The following ADAMTS18 variants were observed in gnomAD, a reference collection of about 807,000 sequenced individuals.
ADAMTS18 encodes ADAM metallopeptidase with thrombospondin type 1 motif 18.
A neutral mutation model predicts 165.9 loss-of-function variants in ADAMTS18; 157 were observed. That is an observed-to-expected ratio of 0.95 (90% confidence interval 0.83 to 1.08). The LOEUF (loss-of-function observed/expected upper bound fraction) is 1.08, where lower values mean the gene tolerates loss of function less well. ADAMTS18 is among the 50% of genes least tolerant of loss of function. The pLI, the probability that ADAMTS18 is intolerant of heterozygous loss-of-function variation, is 0.00. For synonymous variants in ADAMTS18, 782 were observed against 578.2 expected (o/e 1.35, Z -5.06); for missense variants, 2,040 against 1,534.0 (o/e 1.33, Z -5.51).
chr16:77,419,621 G>C (rs770577628), intron 3 of ADAMTS18, among the ~76,000 whole-genome samples: 6 of 152,058 alleles, frequency 3.9e-5, no homozygotes, highest in Admixed American at 1.3e-4. Flanking sequence ...TGCAGTCATG[G>C]TTACATCTGC....
Position 77,289,208 on chromosome 16 carries a change from T to C in ADAMTS18, c.3550+56A>G, listed in dbSNP as rs1360865393. 5.0e-6 allele frequency: 8 copies of C among 1,606,300 alleles called. No individual in the cohort carries two copies. In the African/African-American group the frequency reaches 6.7e-5, roughly 13 times the overall value. On this transcript the variant is annotated intron_variant, in intron 22 of 22. Coordinates refer to ENST00000282849, the MANE Select transcript of ADAMTS18 (RefSeq NM_199355.4). ...AGGCTGCACTACTAACAAAGTAGCC[T>C]TTGAAAAAATTATCTAAAGACTAGT...
At chr16:77,384,592 G>C (rs548373849) in intron 3 of ADAMTS18, among the ~76,000 whole-genome samples, 1 of 152,106 alleles carries the variant, frequency 6.6e-6, no homozygotes, top group Non-Finnish European at 1.5e-5. Context: ...GTTTTGAATG[G>C]AAAAGCCATA....
chr16:77,321,266 TA>T, intron 14 of ADAMTS18, 64 bp from the exon 15 acceptor site: 1 of 1,598,202 alleles, frequency 6.3e-7, no homozygotes, highest in Non-Finnish European at 8.6e-7. Context: ...TGGGAATAAT[TA>T]AGAGGTATAT....
intron 2 of ADAMTS18, among the ~76,000 whole-genome samples, chr16:77,433,800 G>C (rs2144873428): frequency 6.6e-6 from 1 of 152,240 alleles, no homozygotes; most frequent in African/African-American, 2.4e-5. Context: ...GGGCTCCACT[G>C]GGAAGTTAAT....
In ADAMTS18 at chr16:77,322,378, G is replaced by A. The variant is rs1317484946; in HGVS notation, c.2121C>T (p.Cys707=). 6.2e-7 allele frequency: 1 copy of A among 1,613,936 alleles called. No individual in the cohort carries two copies. Among genetic ancestry groups the A allele is most frequent in the Non-Finnish European group, 8.5e-7 (1 of 1,179,960 alleles). Residue 707 remains cysteine, a synonymous_variant, in exon 14 of 23, where the codon TGC becomes TGT. Coordinates refer to ENST00000282849, the MANE Select transcript of ADAMTS18 (RefSeq NM_199355.4). Reference sequence around the variant, plus strand: ...TACAAACATCATTTTTGTTTGGGGAGCAGGGAGTTCCATCTTTCACTTTGC... The same window carrying A: ...TACAAACATCATTTTTGTTTGGGGAACAGGGAGTTCCATCTTTCACTTTGC... ...MSGKVKDGTP[C]SPNKNDVCID... is the part of the protein sequence containing the mutation.
intron 3 of ADAMTS18, among the ~76,000 whole-genome samples, chr16:77,391,234 G>A (rs1298572817): frequency 2.0e-5 from 3 of 152,112 alleles, no homozygotes; most frequent in African/African-American, 7.2e-5. Context: ...CAGGCATGAT[G>A]GCTCATGCCT....
intron 4 of ADAMTS18, among the ~76,000 whole-genome samples, chr16:77,364,915 G>A (rs958839090): frequency 1.3e-5 from 2 of 152,102 alleles, no homozygotes; most frequent in Admixed American, 6.6e-5. Flanking sequence ...ACACCAGCCT[G>A]GCCAACATGG....
chr16:77,408,261 T>C (rs1417946785), intron 3 of ADAMTS18, among the ~76,000 whole-genome samples: 1 of 152,162 alleles, frequency 6.6e-6, no homozygotes, highest in Admixed American at 6.5e-5. Flanking sequence ...TGTGGGAATG[T>C]AAATTGGTAG....
intron 3 of ADAMTS18, among the ~76,000 whole-genome samples, chr16:77,429,647 T>C (rs1456088204): frequency 6.6e-6 from 1 of 152,214 alleles, no homozygotes; most frequent in Non-Finnish European, 1.5e-5. Context: ...TTTATGATTC[T>C]ACTCATGTGA....
chr16:77,325,681 A>G (rs1248961175), intron 13 of ADAMTS18, among the ~76,000 whole-genome samples, 185 bp downstream of exon 13: 1 of 151,724 alleles, frequency 6.6e-6, no homozygotes, highest in Non-Finnish European at 1.5e-5. Flanking sequence ...ATAGGGGGAA[A>G]AAAAAAAAAA....
At chr16:77,410,292 GAA>G (rs11376240) in intron 3 of ADAMTS18, among the ~76,000 whole-genome samples, 9 of 141,322 alleles carry the variant, frequency 6.4e-5, no homozygotes, top group African/African-American at 1.8e-4. Flanking sequence ...ACCCAAATTT[GAA>G]AAAAAAAAAA....
At chr16:77,424,358 C>T (rs756224385) in intron 3 of ADAMTS18, among the ~76,000 whole-genome samples, 2 of 151,976 alleles carry the variant, frequency 1.3e-5, no homozygotes, top group Non-Finnish European at 1.5e-5. Context: ...ATCCTAGCTA[C>T]TCAGGAAGCT....
At chr16:77,362,415 AT>A in intron 6 of ADAMTS18, 151 bp from the exon 7 acceptor site, 3 of 763,266 alleles carry the variant, frequency 3.9e-6, no homozygotes, top group Non-Finnish European at 6.4e-6. Flanking sequence ...GAAAATCTCT[AT>A]TTTAGGTAAA....
At chr16:77,294,044 T>G (rs1338170243) in intron 19 of ADAMTS18, among the ~76,000 whole-genome samples, 2 of 146,000 alleles carry the variant, frequency 1.4e-5, no homozygotes, top group Non-Finnish European at 3.1e-5. Context: ...AGCAGCACCC[T>G]CCAGCATGTA....
At chr16:77,300,537 A>G (rs966559886) in intron 16 of ADAMTS18, 133 bp from the exon 17 acceptor site, 15 of 1,041,576 alleles carry the variant, frequency 1.4e-5, no homozygotes, top group Admixed American at 1.9e-5. Context: ...ATTGTTCCCA[A>G]GTATGTTTTA....
intron 3 of ADAMTS18, among the ~76,000 whole-genome samples, chr16:77,414,167 A>C (rs955568949): frequency 1.3e-5 from 2 of 152,252 alleles, no homozygotes; most frequent in African/African-American, 4.8e-5. Flanking sequence ...TATTCAGCTG[A>C]AAACTGCATA....
At chr16:77,359,288 C>T (rs777444683) in intron 8 of ADAMTS18, 30 bp downstream of exon 8, 9 of 1,584,618 alleles carry the variant, frequency 5.7e-6, no homozygotes, top group Non-Finnish European at 6.9e-6. Flanking sequence ...CTAGTTTTCA[C>T]ATAAAGTAGT....
intron 3 of ADAMTS18, among the ~76,000 whole-genome samples, chr16:77,407,470 T>C (rs2057407611): frequency 1.3e-5 from 2 of 151,966 alleles, no homozygotes; most frequent in Admixed American, 6.6e-5. Flanking sequence ...AACGCTAAAA[T>C]GCAAAGAACA....
intron 3 of ADAMTS18, among the ~76,000 whole-genome samples, chr16:77,401,772 G>A (rs764345888): frequency 1.3e-5 from 2 of 152,180 alleles, no homozygotes; most frequent in African/African-American, 4.8e-5. Flanking sequence ...GGTCTAGACA[G>A]AACGAAAATG....
Sources: gnomAD v4.1 joint callset for allele counts (sites outside exome capture counted in the v4.1 genomes callset) on GRCh38, gnomAD v4.1.1 for gene constraint, MANE v1.5 for transcripts, NCBI Gene and HGNC (gene_info 2026-07-23, HGNC 2026-07-21) for gene names.